The following ITGA11 variants were observed in gnomAD, a reference collection of about 807,000 sequenced individuals.
ITGA11 encodes the protein integrin alpha-11.
ITGA11 carries 97 observed loss-of-function variants against 141.9 expected under a neutral mutation model. The observed-to-expected ratio is 0.68, with a 90% CI of 0.58 to 0.81. ITGA11 has a LOEUF of 0.81. Ranked by LOEUF, ITGA11 falls within the 30% of genes least tolerant of loss-of-function variation. The pLI is 0.00. For missense variants in ITGA11, 1,387 were observed against 1,559.2 expected, an observed-to-expected ratio of 0.89 and a Z score of 1.86; for synonymous variants, 658 against 624.6, an observed-to-expected ratio of 1.05 and a Z score of -0.80.
chr15:68,337,094 G>A (rs922618960), intron 11 of ITGA11, among the ~76,000 whole-genome samples: 4 of 152,176 alleles, frequency 2.6e-5, no homozygotes, highest in African/African-American at 9.6e-5. Flanking sequence ...TCTGAGCTGA[G>A]CCCTCAGTGG....
chr15:68,328,063 T>G lies in ITGA11; in HGVS notation c.2068+33A>C, dbSNP rs11072007. ...CAAGGTGCAGGGGGAGACTGGAGTC[T>G]GGGGGTGGGGAGAAAGGAGGGGCCT... is the stretch of plus-strand genomic sequence containing the variant. On this transcript the variant is annotated intron_variant, in intron 16 of 29. Coordinates refer to ENST00000315757, the MANE Select transcript of ITGA11 (RefSeq NM_001004439.2). The surrounding 1 kb of genome is among the most constrained non-coding windows in gnomAD (Gnocchi z 4.8). 3,633 of 1,593,870 alleles carry G rather than the reference T, an allele frequency of 2.3e-3. 74 individuals are homozygous for G. In the East Asian group the frequency reaches 0.05, roughly 22 times the overall value.
chr15:68,303,940 C>T lies in ITGA11; in HGVS notation c.3382-55G>A. ...CATTACTCTTCTGGGGCTGGGGTGG[C>T]AGTCTGGGAGGGGCAGGAGGGTGGA... On this transcript the variant is annotated intron_variant, in intron 28 of 29. Transcript: ENST00000315757. This position sits in a 1 kb window ranked among gnomAD's most constrained non-coding sequence, Gnocchi z 5.3. 8.3e-7 allele frequency: 1 copy of T among 1,209,258 alleles called. No individual in the cohort carries two copies. The highest frequency in any genetic ancestry group is 1.2e-6 in the Non-Finnish European group (1 of 821,768). The allele number at this position is 1,209,258 out of a possible 1,614,324, so 74.9% of individuals were successfully genotyped here.
intron 10 of ITGA11, among the ~76,000 whole-genome samples, chr15:68,346,243 C>T (rs1225419237): frequency 1.3e-5 from 2 of 152,140 alleles, no homozygotes; most frequent in Non-Finnish European, 2.9e-5. Flanking sequence ...AAGTCTTGTG[C>T]TGAGGCTGTG....
chr15:68,315,823 A>G (rs1893554379), intron 21 of ITGA11, 96 bp from the exon 22 acceptor site: 1 of 1,032,012 alleles, frequency 9.7e-7, no homozygotes, highest in Non-Finnish European at 1.4e-6. Context: ...GCTTGGGGAG[A>G]GGGAGCTTGC....
At chr15:68,317,895 ACT>A (rs1026694679) in intron 20 of ITGA11, among the ~76,000 whole-genome samples, 14 of 150,920 alleles carry the variant, frequency 9.3e-5, no homozygotes, top group African/African-American at 2.9e-4. Flanking sequence ...GTCTGTGGAG[ACT>A]CTGTGTGTGT....
In ITGA11 at chr15:68,325,073, G is replaced by A; in HGVS notation, c.2322+58C>T. ...CACTCAGGCTCTGGGCTTTGGGGTT[G>A]AGGTGGAGGTGGGGGTGGGGTTCAT... On this transcript the variant is annotated intron_variant, in intron 18 of 29. Transcript: ENST00000315757. The surrounding 1 kb of genome is among the most constrained non-coding windows in gnomAD (Gnocchi z 5.5). The A allele has an allele frequency of 2.4e-6, 3 of 1,228,432 alleles. No homozygotes were observed. Among genetic ancestry groups the A allele is most frequent in the East Asian group, 4.6e-5 (2 of 43,092 alleles). The allele number at this position is 1,228,432 out of a possible 1,614,324, so 76.1% of individuals were successfully genotyped here.
rs1046214566 is a variant in ITGA11, at chr15:68,365,018, C to T, written c.266-220G>A. The T allele has an allele frequency of 7.4e-4, 405 of 544,118 alleles. 3 individuals are homozygous for T. The highest frequency in any genetic ancestry group is 9.2e-4 in the Non-Finnish European group (391 of 426,960). The allele number at this position is 544,118 out of a possible 1,614,324, so 33.7% of individuals were successfully genotyped here. A position where few individuals can be genotyped will look rare whatever the true frequency, so the allele number is the denominator to read the frequency against. ...ACCGAGTCTCAGAGAGGCCAAACAA[C>T]CTGCCCAAGGTCACACAGTGAGCAC... On this transcript the variant is annotated intron_variant, in intron 3 of 29. Coordinates refer to ENST00000315757, the MANE Select transcript of ITGA11 (RefSeq NM_001004439.2).
rs369752775 is a variant in ITGA11 at position 68,402,901 on chromosome 15, C to T, written c.164+17G>A. 107 of 1,564,432 alleles carry T rather than the reference C, an allele frequency of 6.8e-5. No individual in the cohort carries two copies. The highest frequency in any genetic ancestry group is 7.8e-5 in the Non-Finnish European group (89 of 1,138,842). ...GGAATGGTACAGGGCTGGGTGTGGG[C>T]GGCCGCTCTCACTCACCACTTATTG... is the stretch of plus-strand genomic sequence containing the variant. On this transcript the variant is annotated intron_variant, in intron 2 of 29. Transcript: ENST00000315757.
chr15:68,369,285 C>T lies in ITGA11; in HGVS notation c.165-1G>A. 3 of 1,601,724 alleles carry T rather than the reference C, an allele frequency of 1.9e-6. No individual in the cohort carries two copies. The highest frequency in any genetic ancestry group is 2.6e-6 in the Non-Finnish European group (3 of 1,172,788). On this transcript the variant is annotated splice_acceptor_variant, in intron 2 of 29. Transcript: ENST00000315757. LOFTEE classifies it high-confidence loss of function. ...TTCCAGTGGGGCGCCCACGACCAGC[C>T]TGGGAAGGAAGAGAAGATGAGCAAA...
intron 23 of ITGA11, among the ~76,000 whole-genome samples, chr15:68,313,314 G>GTA (rs1406981758): frequency 6.6e-6 from 1 of 151,110 alleles, no homozygotes; most frequent in African/African-American, 2.4e-5. Context: ...TTGGGGGCCA[G>GTA]TAGCATGCCA....
rs1431801724 is a variant in ITGA11 at position 68,304,435 on chromosome 15, T to C, written c.3382-550A>G. Among the ~76,000 whole-genome samples the C allele has an allele frequency of 6.6e-6, 1 of 152,250 alleles. No homozygotes were observed. Among genetic ancestry groups the C allele is most frequent in the South Asian group, 2.1e-4 (1 of 4,830 alleles). ...CCAGCTTGGATAACATTTTTTAATC[T>C]TTGTATCAACATGGTTATAAACCAT... On this transcript the variant is annotated intron_variant, in intron 28 of 29. Coordinates refer to ENST00000315757, the MANE Select transcript of ITGA11 (RefSeq NM_001004439.2). This position sits in a 1 kb window ranked among gnomAD's most constrained non-coding sequence, Gnocchi z 6.1.
chr15:68,311,385 A>G lies in ITGA11; in HGVS notation c.2992T>C (p.Phe998Leu). The change falls in exon 25 of 30, where the codon TTC becomes CTC. Residue 998 changes from phenylalanine to leucine, a missense_variant. Coordinates refer to ENST00000315757, the MANE Select transcript of ITGA11 (RefSeq NM_001004439.2). ...CIFRIQNLGL[F>L]PIHGMMMKIT... ...TTCATCATCATCCCGTGGATGGGGA[A>G]CAAGCCCAAGTTCTGGATCTGTGGC... The G allele has an allele frequency of 6.4e-7, 1 of 1,565,284 alleles. No individual in the cohort carries two copies. Among genetic ancestry groups the G allele is most frequent in the Non-Finnish European group, 8.7e-7 (1 of 1,153,626 alleles).
At chr15:68,357,395 GT>G in intron 6 of ITGA11, 96 bp from the exon 7 acceptor site, 1 of 1,444,568 alleles carries the variant, frequency 6.9e-7, no homozygotes, top group East Asian at 2.3e-5. Context: ...TTGTCTCTGT[GT>G]GATAATACAG....
intron 15 of ITGA11, 32 bp downstream of exon 15, chr15:68,330,949 G>A: frequency 1.2e-6 from 2 of 1,612,862 alleles, no homozygotes; most frequent in Admixed American, 1.7e-5. Context: ...TTTCAGGAGA[G>A]CCCAGGAGGT....
chr15:68,410,167 G>C (rs1896740372), intron 1 of ITGA11, among the ~76,000 whole-genome samples: 1 of 152,248 alleles, frequency 6.6e-6, no homozygotes, highest in Non-Finnish European at 1.5e-5. Flanking sequence ...TGAAGCACCA[G>C]GTTGGAGCTG....
chr15:68,391,679 C>G (rs1220981803), intron 2 of ITGA11, among the ~76,000 whole-genome samples: 1 of 152,170 alleles, frequency 6.6e-6, no homozygotes, highest in Non-Finnish European at 1.5e-5. Flanking sequence ...ATTCAGAAAG[C>G]CTTCATGGAG....
Position 68,432,110 on chromosome 15 carries a change from G to C in ITGA11, c.-44C>G. ...TGGGTCCGGTGTGCAGCGGCGGCGGGGGGCGGCAAGCCAGAGCGGCAGCCT... is the reference window on the plus strand; with the variant it reads ...TGGGTCCGGTGTGCAGCGGCGGCGGCGGGCGGCAAGCCAGAGCGGCAGCCT... On this transcript the variant is annotated 5_prime_UTR_variant, in exon 1 of 30. Transcript: ENST00000315757. 2 of 1,342,612 alleles carry C rather than the reference G, an allele frequency of 1.5e-6. No individual in the cohort carries two copies. Among genetic ancestry groups the C allele is most frequent in the Non-Finnish European group, 1.9e-6 (2 of 1,046,588 alleles). 83.2% of individuals were successfully genotyped at this position (1,342,612 alleles called of 1,614,324 possible).
chr15:68,424,241 C>T (rs1897085151), intron 1 of ITGA11, among the ~76,000 whole-genome samples: 1 of 152,214 alleles, frequency 6.6e-6, no homozygotes, highest in Admixed American at 6.5e-5. Flanking sequence ...GTGTCTCCAG[C>T]CCAACCCAGC....
chr15:68,328,121 T>G lies in ITGA11; in HGVS notation c.2043A>C (p.Ala681=). ...CAACAGTTGTTGTTTGGAAATGGGG[T>G]GCCAGGAAGATGGGCGTGAAGCAGA... ...AFLCFTPIFL[A]PHFQTTTVGI... is the part of the protein sequence containing the mutation. The change falls in exon 16 of 30, where the codon GCA becomes GCC. Residue 681 remains alanine (A), a synonymous_variant. Transcript: ENST00000315757. This position sits in a 1 kb window ranked among gnomAD's most constrained non-coding sequence, Gnocchi z 4.8. The G allele has an allele frequency of 1.2e-6, 2 of 1,613,608 alleles. No homozygotes were observed. The highest frequency in any genetic ancestry group is 1.7e-6 in the Non-Finnish European group (2 of 1,179,822).
Sources: gnomAD v4.1 joint callset for allele counts (sites outside exome capture counted in the v4.1 genomes callset) on GRCh38, gnomAD v4.1.1 for gene constraint, Gnocchi (gnomAD v3.1) non-coding constraint, MANE v1.5 for transcripts, NCBI Gene and HGNC (gene_info 2026-07-23, HGNC 2026-07-21) for gene names.